ORC2: variants seen among roughly 807,000 people sequenced by gnomAD.
The protein encoded by ORC2 is origin recognition complex protein 2 homolog.
In ORC2, 37 loss-of-function variants were observed where a neutral mutation model predicts 77.7. The ratio of observed to expected loss-of-function variants is 0.48; its 90% CI spans 0.37 to 0.63. The LOEUF (loss-of-function observed/expected upper bound fraction) is 0.63, where lower values mean the gene tolerates loss of function less well. Ranked by LOEUF, ORC2 falls within the 20% of genes least tolerant of loss-of-function variation. The probability of loss-of-function intolerance (pLI) is 0.00; values close to 1 mark genes in which losing one functional copy is unlikely to be tolerated. For missense variants in ORC2, 557 were observed against 661.9 expected (o/e 0.84, Z 1.74); for synonymous variants, 201 against 229.5 (o/e 0.88, Z 1.12).
At chr2:200,957,647 G>A in intron 3 of ORC2, 103 bp from the exon 4 acceptor site, 1 of 898,650 alleles carries the variant, frequency 1.1e-6, no homozygotes, top group East Asian at 3.1e-5. Context: ...TTACTTAAAA[G>A]CTGGGAAAAA....
intron 4 of ORC2, among the ~76,000 whole-genome samples, chr2:200,950,632 A>T (rs1318736064): frequency 6.6e-6 from 1 of 152,242 alleles, no homozygotes; most frequent in Non-Finnish European, 1.5e-5. Flanking sequence ...TGAAGAAGAA[A>T]ATCCAGTTGC....
intron 4 of ORC2, 96 bp from the exon 5 acceptor site, chr2:200,949,739 G>A (rs1055272850): frequency 1.6e-6 from 1 of 606,550 alleles, no homozygotes; most frequent in Non-Finnish European, 2.9e-6. Flanking sequence ...ACCCCTCATA[G>A]CCTTGCATAA....
At chr2:200,942,509 T>C (rs1047350112) in intron 6 of ORC2, among the ~76,000 whole-genome samples, 176 bp downstream of exon 6, 1 of 152,214 alleles carries the variant, frequency 6.6e-6, no homozygotes, top group Non-Finnish European at 1.5e-5. Flanking sequence ...TCTTACTGAC[T>C]GCTAAACACG....
intron 13 of ORC2, among the ~76,000 whole-genome samples, chr2:200,924,997 T>C (rs2040819191): frequency 6.6e-6 from 1 of 152,184 alleles, no homozygotes; most frequent in Non-Finnish European, 1.5e-5. Context: ...TGACCTCAGG[T>C]GACCCACTGA....
intron 5 of ORC2, among the ~76,000 whole-genome samples, chr2:200,946,116 A>G (rs571194298): frequency 3.3e-5 from 5 of 151,564 alleles, no homozygotes; most frequent in African/African-American, 9.7e-5. Flanking sequence ...TTCTAGCCCT[A>G]TATCTTGGTT....
chr2:200,938,688 AG>A (rs2041094122), intron 7 of ORC2, among the ~76,000 whole-genome samples: 2 of 152,200 alleles, frequency 1.3e-5, no homozygotes, highest in Non-Finnish European at 2.9e-5. Flanking sequence ...AAAAAATTTA[AG>A]TTTATTGTCT....
chr2:200,920,868 G>A (rs909188466), intron 14 of ORC2, 125 bp downstream of exon 14: 1 of 588,064 alleles, frequency 1.7e-6, no homozygotes, highest in Admixed American at 4.1e-5. Context: ...GGCAACCTGT[G>A]TTTTTAAACA....
intron 4 of ORC2, among the ~76,000 whole-genome samples, chr2:200,951,380 A>G (rs1403551741): frequency 6.6e-6 from 1 of 152,230 alleles, no homozygotes; most frequent in Non-Finnish European, 1.5e-5. Flanking sequence ...TTGGGTAAAT[A>G]CTAAGAAACA....
At chr2:200,921,987 T>C (rs559065307) in intron 13 of ORC2, among the ~76,000 whole-genome samples, 7 of 151,964 alleles carry the variant, frequency 4.6e-5, no homozygotes, top group African/African-American at 1.7e-4. Flanking sequence ...ATGTATACAA[T>C]AGATTGGAGG....
At chr2:200,938,096 CCTAGAA>C (rs2041080963) in intron 7 of ORC2, 130 bp from the exon 8 acceptor site, 4 of 598,348 alleles carry the variant, frequency 6.7e-6, no homozygotes, top group Non-Finnish European at 1.2e-5. Context: ...GAGCTTAGTT[CCTAGAA>C]CTAGAAGATT....
Position 200,921,200 on chromosome 2 carries a change from C to T in ORC2, c.1148-61G>A. ...ATTTTTAGAGGGTCTCACTCTGTTG[C>T]CTAGGCTAGAGTGCAGTGGTACAAT... On this transcript the variant is annotated intron_variant, in intron 13 of 17. Transcript: ENST00000234296. 3 of 1,167,816 alleles carry T rather than the reference C, an allele frequency of 2.6e-6. No individual in the cohort carries two copies. The East Asian group carries it at 8.1e-5, about 32-fold the overall frequency. 72.3% of individuals were successfully genotyped at this position (1,167,816 alleles called of 1,614,324 possible). A position where few individuals can be genotyped will look rare whatever the true frequency, so the allele number is the denominator to read the frequency against.
intron 9 of ORC2, 123 bp downstream of exon 9, chr2:200,935,576 C>A: frequency 1.4e-6 from 1 of 715,630 alleles, no homozygotes; most frequent in East Asian, 2.9e-5. Context: ...ATGTGGAAGG[C>A]TGAGAAAATA....
chr2:200,934,080 T>G (rs1394215121), intron 9 of ORC2, 106 bp from the exon 10 acceptor site: 1 of 547,702 alleles, frequency 1.8e-6, no homozygotes, highest in Non-Finnish European at 3.2e-6. Flanking sequence ...AATTCTTTAC[T>G]TGGTAGTATT....
At chr2:200,940,699 G>A (rs2124999597) in intron 7 of ORC2, among the ~76,000 whole-genome samples, 1 of 152,250 alleles carries the variant, frequency 6.6e-6, no homozygotes, top group East Asian at 1.9e-4. Flanking sequence ...CTACTCAGGA[G>A]GCTGAGGTGT....
intron 5 of ORC2, among the ~76,000 whole-genome samples, chr2:200,946,794 C>T (rs932573332): frequency 6.6e-6 from 1 of 152,142 alleles, no homozygotes; most frequent in African/African-American, 2.4e-5. Flanking sequence ...CCTAGGGTTT[C>T]ATTTTGGTCT....
chr2:200,923,990 G>C (rs2040801556), intron 13 of ORC2, among the ~76,000 whole-genome samples: 2 of 152,142 alleles, frequency 1.3e-5, no homozygotes, highest in Non-Finnish European at 1.5e-5. Context: ...AGGTAAATTT[G>C]CTATTATAGA....
chr2:200,955,129 G>C lies in ORC2; in HGVS notation c.238+2272C>G, dbSNP rs1488855269. Among the ~76,000 whole-genome samples the C allele has an allele frequency of 7.9e-5, 12 of 152,110 alleles. 1 individual carries two copies. On this transcript the variant is annotated intron_variant, in intron 4 of 17. Coordinates refer to ENST00000234296, the MANE Select transcript of ORC2 (RefSeq NM_006190.5). The stretch of plus-strand genomic sequence containing the variant: ...TGCTGTTATGTGAGAAAGGTTGGAA[G>C]CACTGAATTTCTACAACAAACATAC...
intron 17 of ORC2, among the ~76,000 whole-genome samples, chr2:200,912,112 G>GCTTA (rs2040560133): frequency 6.6e-6 from 1 of 152,018 alleles, no homozygotes; most frequent in African/African-American, 2.4e-5. Context: ...ACCTCTGCAG[G>GCTTA]CTTATCCTTT....
At chr2:200,938,300 G>A (rs1363823384) in intron 7 of ORC2, among the ~76,000 whole-genome samples, 2 of 152,170 alleles carry the variant, frequency 1.3e-5, no homozygotes, top group Non-Finnish European at 2.9e-5. Context: ...AAAGTACTGG[G>A]ATTATGGGTG....
Sources: allele counts gnomAD v4.1 joint callset (sites outside exome capture counted in the v4.1 genomes callset), GRCh38; gene constraint gnomAD v4.1.1; transcripts MANE v1.5; gene names NCBI Gene and HGNC (gene_info 2026-07-23, HGNC 2026-07-21).